GPD1L: variants seen among roughly 807,000 people sequenced by gnomAD.
GPD1L encodes glycerol-3-phosphate dehydrogenase 1 like.
In GPD1L, 17 loss-of-function variants were observed where a neutral mutation model predicts 32.9. That is an observed-to-expected ratio of 0.52 (90% CI 0.35 to 0.78). The LOEUF (loss-of-function observed/expected upper bound fraction) is 0.78, where lower values mean the gene tolerates loss of function less well. GPD1L is among the 30% of genes least tolerant of loss of function. The probability of loss-of-function intolerance (pLI) is 0.01; values close to 1 mark genes in which losing one functional copy is unlikely to be tolerated. For missense variants in GPD1L, 361 were observed against 447.8 expected (o/e 0.81, Z 1.75); for synonymous variants, 187 against 165.9 (o/e 1.13, Z -0.98).
chr3:32,163,255 A>G (rs9835473), intron 7 of GPD1L, among the ~76,000 whole-genome samples: 80,425 of 143,160 alleles, frequency 0.56, 23,590 homozygotes, highest in East Asian at 0.86. Context: ...TGCAACCTCC[A>G]CCTCCCAGGT....
chr3:32,106,832 C>T lies in GPD1L; in HGVS notation c.47+74C>T. ...TCTCCCGGGCGGTGAGGGCTGCGCG[C>T]CCCATGCTGCGGCGTGGGCACCGGG... On this transcript the variant is annotated intron_variant, in intron 1 of 7. Transcript: ENST00000282541. This position sits in a 1 kb window ranked among gnomAD's most constrained non-coding sequence, Gnocchi z 4.0. 1 of 1,390,512 alleles carries T rather than the reference C, an allele frequency of 7.2e-7. No individual in the cohort carries two copies. The highest frequency in any genetic ancestry group is 9.6e-7 in the Non-Finnish European group (1 of 1,039,062). 86.1% of individuals were successfully genotyped at this position (1,390,512 alleles called of 1,614,324 possible).
chr3:32,160,070 G>A (rs1701054781), intron 7 of GPD1L, among the ~76,000 whole-genome samples: 2 of 152,038 alleles, frequency 1.3e-5, no homozygotes, highest in South Asian at 4.2e-4. Flanking sequence ...AAGAAGGAAG[G>A]ACGAGTTAGC....
chr3:32,158,785 T>G (rs1701032763), intron 5 of GPD1L, 91 bp from the exon 6 acceptor site: 2 of 1,552,686 alleles, frequency 1.3e-6, no homozygotes, highest in South Asian at 2.4e-5. Flanking sequence ...GTCCCTGGTC[T>G]GCCCCTGCCT....
intron 1 of GPD1L, among the ~76,000 whole-genome samples, chr3:32,117,061 G>T (rs9870851): frequency 7.9e-5 from 12 of 152,032 alleles, no homozygotes; most frequent in African/African-American, 2.9e-4. Flanking sequence ...GTGTAGCTAC[G>T]TATGCAGTGG....
intron 7 of GPD1L, among the ~76,000 whole-genome samples, chr3:32,160,325 TG>T (rs1701059095): frequency 7.4e-5 from 1 of 13,474 alleles, no homozygotes; most frequent in Non-Finnish European, 1.1e-4. Flanking sequence ...AATGGATGGA[TG>T]ATGGGTGGGT....
At chr3:32,163,161 CTT>C (rs34385950) in intron 7 of GPD1L, among the ~76,000 whole-genome samples, 20 of 78,058 alleles carry the variant, frequency 2.6e-4, no homozygotes, top group Middle Eastern at 0.013. Context: ...CTGGTTTGTC[CTT>C]TTTTTTTTTT....
At chr3:32,136,394 G>A (rs1484794672) in intron 2 of GPD1L, among the ~76,000 whole-genome samples, 1 of 152,190 alleles carries the variant, frequency 6.6e-6, no homozygotes, top group African/African-American at 2.4e-5. Flanking sequence ...GCTTGAACAA[G>A]TTAAGAACCA....
rs1192532554 is a variant in GPD1L at position 32,166,923 on chromosome 3, G to A, written c.*1013G>A. Reference sequence around the variant, plus strand: ...GCTTCCTGCAGCTGAGATCTATGCAGGCCATCCTCTCAACAAGTGCCACTC... The same window carrying A: ...GCTTCCTGCAGCTGAGATCTATGCAAGCCATCCTCTCAACAAGTGCCACTC... On this transcript the variant is annotated 3_prime_UTR_variant, in exon 8 of 8. Coordinates refer to ENST00000282541, the MANE Select transcript of GPD1L (RefSeq NM_015141.4). 1 of 152,058 alleles carries A rather than the reference G, an allele frequency of 6.6e-6. No individual in the cohort carries two copies. The highest frequency in any genetic ancestry group is 1.9e-4 in the East Asian group (1 of 5,186). 9.4% of individuals were successfully genotyped at this position (152,058 alleles called of 1,614,324 possible). A position where few individuals can be genotyped will look rare whatever the true frequency, so the allele number is the denominator to read the frequency against.
In GPD1L at chr3:32,167,895, G is replaced by A. The variant is rs1701171055; in HGVS notation, c.*1985G>A. The A allele has an allele frequency of 6.6e-6, 1 of 152,136 alleles. No individual in the cohort carries two copies. Among genetic ancestry groups the A allele is most frequent in the Non-Finnish European group, 1.5e-5 (1 of 68,026 alleles). The allele number at this position is 152,136 out of a possible 1,614,324, so 9.4% of individuals were successfully genotyped here. A position where few individuals can be genotyped will look rare whatever the true frequency, so the allele number is the denominator to read the frequency against. The stretch of plus-strand genomic sequence containing the variant: ...ACACAAAACACTCCAAGTTTCAGCA[G>A]TTTTAGCGCCACCATTAACCCACTT... On this transcript the variant is annotated 3_prime_UTR_variant, in exon 8 of 8. Coordinates refer to ENST00000282541, the MANE Select transcript of GPD1L (RefSeq NM_015141.4).
At chr3:32,159,478 A>AAG in intron 6 of GPD1L, 90 bp from the exon 7 acceptor site, 2 of 849,674 alleles carry the variant, frequency 2.4e-6, no homozygotes, top group Non-Finnish European at 3.6e-6. Context: ...AAAAAAAAAA[A>AAG]AAGAAAAAAA....
At chr3:32,122,199 A>G (rs998969051) in intron 1 of GPD1L, among the ~76,000 whole-genome samples, 2 of 142,850 alleles carry the variant, frequency 1.4e-5, no homozygotes, top group Non-Finnish European at 1.5e-5. Context: ...ATGGTGTCTG[A>G]AATTAATGGG....
chr3:32,113,336 C>A (rs1353896563), intron 1 of GPD1L, among the ~76,000 whole-genome samples: 1 of 152,058 alleles, frequency 6.6e-6, no homozygotes, highest in Non-Finnish European at 1.5e-5. Flanking sequence ...ACCTGTTAAT[C>A]CCAGAGCAAC....
At chr3:32,151,192 A>C in intron 5 of GPD1L, 57 of 566,974 alleles carry the variant, frequency 1.0e-4, no homozygotes, top group East Asian at 3.4e-4. Flanking sequence ...AGTCTAATCC[A>C]GGTACCTTTC....
At chr3:32,126,295 C>T (rs2125477528) in intron 1 of GPD1L, among the ~76,000 whole-genome samples, 1 of 152,270 alleles carries the variant, frequency 6.6e-6, no homozygotes, top group South Asian at 2.1e-4. Flanking sequence ...GTTTGGCTTC[C>T]CCAAGAGGCA....
intron 2 of GPD1L, among the ~76,000 whole-genome samples, chr3:32,134,940 A>G (rs933703559): frequency 2.0e-5 from 3 of 152,222 alleles, no homozygotes; most frequent in Admixed American, 6.5e-5. Context: ...CTTAATTGGA[A>G]AGGGTTCTGT....
chr3:32,139,456 T>C (rs549119549), intron 3 of GPD1L, among the ~76,000 whole-genome samples: 2 of 152,360 alleles, frequency 1.3e-5, no homozygotes, highest in East Asian at 3.9e-4. Context: ...CATAAATTTG[T>C]TTTTTAAACA....
At chr3:32,154,417 A>T (rs763214562) in intron 5 of GPD1L, among the ~76,000 whole-genome samples, 1 of 152,184 alleles carries the variant, frequency 6.6e-6, no homozygotes, top group Non-Finnish European at 1.5e-5. Flanking sequence ...CTGTCCATAC[A>T]GTCCTGCTTG....
At chr3:32,114,373 G>A (rs960467502) in intron 1 of GPD1L, among the ~76,000 whole-genome samples, 25 of 152,370 alleles carry the variant, frequency 1.6e-4, no homozygotes, top group South Asian at 1.0e-3. Context: ...TGGGCCAGAT[G>A]CTTTTCTAGT....
At chr3:32,148,992 C>A (rs9854651) in intron 5 of GPD1L, among the ~76,000 whole-genome samples, 77,947 of 152,094 alleles carry the variant, frequency 0.51, 22,216 homozygotes, top group East Asian at 0.89. Context: ...TAGTGTGTAC[C>A]TATGTGTATG....
Sources: allele counts gnomAD v4.1 joint callset (sites outside exome capture counted in the v4.1 genomes callset), GRCh38; gene constraint gnomAD v4.1.1; non-coding constraint Gnocchi (gnomAD v3.1); transcripts MANE v1.5; gene names NCBI Gene and HGNC (gene_info 2026-07-23, HGNC 2026-07-21).